The following APH1B variants were observed in gnomAD, a reference collection of about 807,000 sequenced individuals.
The protein encoded by APH1B is gamma-secretase subunit APH-1B.
APH1B carries 27 observed loss-of-function variants against 28.2 expected under a neutral mutation model. The ratio of observed to expected loss-of-function variants is 0.96; its 90% CI spans 0.70 to 1.32. The LOEUF is 1.32. Among genes scored for constraint, APH1B ranks in the 40% most tolerant of loss-of-function variants. APH1B has a pLI of 0.00. For synonymous variants in APH1B, 141 were observed against 124.6 expected (o/e 1.13, Z -0.88); for missense variants, 305 against 313.6 (o/e 0.97, Z 0.21).
chr15:63,303,023 A>G (rs1160891211), intron 5 of APH1B, among the ~76,000 whole-genome samples: 2 of 152,216 alleles, frequency 1.3e-5, no homozygotes, highest in Non-Finnish European at 2.9e-5. Flanking sequence ...GATTAAAAGG[A>G]AAGAACCTAG....
At chr15:63,278,423 C>T (rs2038349574) in intron 1 of APH1B, 4 of 451,996 alleles carry the variant, frequency 8.8e-6, no homozygotes, top group South Asian at 6.2e-5. Flanking sequence ...CCACATCCCC[C>T]CTCCTCTGAT....
At chr15:63,283,320 C>T (rs961526421) in intron 2 of APH1B, among the ~76,000 whole-genome samples, 1 of 152,144 alleles carries the variant, frequency 6.6e-6, no homozygotes, top group African/African-American at 2.4e-5. Flanking sequence ...CTTCCGCCTC[C>T]GGGGCTCAAG....
At chr15:63,296,819 G>A (rs1595763418) in intron 4 of APH1B, among the ~76,000 whole-genome samples, 1 of 151,996 alleles carries the variant, frequency 6.6e-6, no homozygotes, top group Admixed American at 6.6e-5. Context: ...CACCATGCCT[G>A]GCTAATTTTT....
At chr15:63,299,379 A>G (rs2414816) in intron 4 of APH1B, among the ~76,000 whole-genome samples, 126,214 of 152,102 alleles carry the variant, frequency 0.83, 52,681 homozygotes, top group Non-Finnish European at 0.87. Context: ...ACTCCTGTAA[A>G]TGAGAGAATT....
In APH1B at chr15:63,277,784, C is replaced by A. The variant is rs547636491; in HGVS notation, c.113+48C>A. On this transcript the variant is annotated intron_variant, in intron 1 of 5. Coordinates refer to ENST00000261879, the MANE Select transcript of APH1B (RefSeq NM_031301.4). ...CCCGGACGCCGGGGCTCCCCTCCCC[C>A]GCTGGGGTTACCCGCGACCCTCGGC... 5.1e-6 allele frequency: 8 copies of A among 1,563,914 alleles called. No individual in the cohort carries two copies. In the South Asian group the frequency reaches 6.8e-5, roughly 13 times the overall value.
intron 1 of APH1B, chr15:63,278,442 C>G: frequency 4.5e-6 from 2 of 439,598 alleles, no homozygotes; most frequent in Non-Finnish European, 9.1e-6. Context: ...ATGAGTCTCT[C>G]TTGGCACCAG....
At chr15:63,296,493 A>T (rs2038569568) in intron 4 of APH1B, among the ~76,000 whole-genome samples, 1 of 152,206 alleles carries the variant, frequency 6.6e-6, no homozygotes, top group African/African-American at 2.4e-5. Flanking sequence ...CCAGTATTAG[A>T]CGCAATTGCT....
chr15:63,290,067 A>G (rs192066019), intron 4 of APH1B, among the ~76,000 whole-genome samples: 13 of 152,192 alleles, frequency 8.5e-5, no homozygotes, highest in African/African-American at 2.6e-4. Context: ...ATCTCATTTT[A>G]TATATATAGA....
chr15:63,304,841 T>C lies in APH1B; in HGVS notation c.607-773T>C, dbSNP rs1347769806. On this transcript the variant is annotated intron_variant, in intron 5 of 5. Transcript: ENST00000261879. This position sits in a 1 kb window ranked among gnomAD's most constrained non-coding sequence, Gnocchi z 5.1. ...TCAGTGGATTTGAGGTATAGAATTA[T>C]TGTGAAGAATAATCTAGAAAATGCT... Among the ~76,000 whole-genome samples the C allele has an allele frequency of 1.3e-5, 2 of 152,222 alleles. No homozygotes were observed. The highest frequency in any genetic ancestry group is 1.5e-5 in the Non-Finnish European group (1 of 68,026).
Position 63,277,653 on chromosome 15 carries a change from C to CT in APH1B, c.32dup (p.Ile12HisfsTer50). ...CTGCGGCCGTGTTCTTCGGCTGCGC[C>CT]TTCATTGCCTTCGGGCCTGCGCTCG... On this transcript the variant is annotated frameshift_variant, in exon 1 of 6. Transcript: ENST00000261879. LOFTEE classifies it high-confidence loss of function. 1 of 1,603,958 alleles carries CT rather than the reference C, an allele frequency of 6.2e-7. No homozygotes were observed. The highest frequency in any genetic ancestry group is 8.5e-7 in the Non-Finnish European group (1 of 1,175,538).
intron 1 of APH1B, chr15:63,278,162 G>A (rs2038345772): frequency 2.6e-6 from 1 of 384,730 alleles, no homozygotes; most frequent in African/African-American, 2.1e-5. Flanking sequence ...CCTGTGGCCA[G>A]GTGCTTTAAA....
At chr15:63,278,632 A>G (rs2038351724) in intron 1 of APH1B, among the ~76,000 whole-genome samples, 1 of 152,248 alleles carries the variant, frequency 6.6e-6, no homozygotes, top group African/African-American at 2.4e-5. Context: ...ACTGATCCAG[A>G]TCAGAACACA....
At position 63,307,809 on chromosome 15, in the gene APH1B, C is replaced by T. The variant is rs1322894463; in HGVS notation, c.*2028C>T. 6.6e-6 allele frequency: 1 copy of T among 152,056 alleles called. No homozygotes were observed. Among genetic ancestry groups the T allele is most frequent in the Non-Finnish European group, 1.5e-5 (1 of 68,024 alleles). The allele number at this position is 152,056 out of a possible 1,614,324, so 9.4% of individuals were successfully genotyped here. A position where few individuals can be genotyped will look rare whatever the true frequency, so the allele number is the denominator to read the frequency against. ...CTGTACGCCGATGGTTTCATATTAACTAAAAAAGCTGGGTATTGTAAAATC... is the reference window on the plus strand; with the variant it reads ...CTGTACGCCGATGGTTTCATATTAATTAAAAAAGCTGGGTATTGTAAAATC... On this transcript the variant is annotated 3_prime_UTR_variant, in exon 6 of 6. Transcript: ENST00000261879.
intron 2 of APH1B, 95 bp downstream of exon 2, chr15:63,279,426 C>T: frequency 1.7e-6 from 2 of 1,162,664 alleles, no homozygotes; most frequent in Non-Finnish European, 2.4e-6. Context: ...GTATCTATGC[C>T]CTCCTACATA....
At chr15:63,295,891 A>G (rs1443601168) in intron 4 of APH1B, among the ~76,000 whole-genome samples, 1 of 151,898 alleles carries the variant, frequency 6.6e-6, no homozygotes, top group Non-Finnish European at 1.5e-5. Flanking sequence ...AGAGGACGGG[A>G]TCAGACAACT....
intron 5 of APH1B, among the ~76,000 whole-genome samples, chr15:63,303,874 A>ACAACAC (rs374335586): frequency 1.0e-3 from 148 of 145,696 alleles, no homozygotes; most frequent in East Asian, 7.9e-3. Flanking sequence ...ACACACACAC[A>ACAACAC]ACACACACAC....
At chr15:63,282,075 T>A (rs1057156387) in intron 2 of APH1B, among the ~76,000 whole-genome samples, 7 of 152,224 alleles carry the variant, frequency 4.6e-5, no homozygotes, top group African/African-American at 1.7e-4. Flanking sequence ...CCCAGCAAAT[T>A]TGAGAAATGT....
intron 3 of APH1B, 141 bp downstream of exon 3, chr15:63,286,769 C>A: frequency 1.4e-6 from 1 of 726,380 alleles, no homozygotes; most frequent in Non-Finnish European, 2.1e-6. Flanking sequence ...TGCTTATTAT[C>A]CCCGTCTTCC....
chr15:63,289,671 C>A (rs760601409), intron 4 of APH1B, among the ~76,000 whole-genome samples: 1 of 152,212 alleles, frequency 6.6e-6, no homozygotes, highest in Non-Finnish European at 1.5e-5. Context: ...AAATTACCTT[C>A]AGTCTGTGTG....
Sources: allele counts gnomAD v4.1 joint callset (sites outside exome capture counted in the v4.1 genomes callset), GRCh38; gene constraint gnomAD v4.1.1; non-coding constraint Gnocchi (gnomAD v3.1); transcripts MANE v1.5; gene names NCBI Gene and HGNC (gene_info 2026-07-23, HGNC 2026-07-21).